ZC3HAV1L: variants seen among roughly 807,000 people sequenced by gnomAD.
The protein encoded by ZC3HAV1L is ZC3HAV1 like.
ZC3HAV1L carries 23 observed loss-of-function variants against 28.2 expected under a neutral mutation model. The ratio of observed to expected loss-of-function variants is 0.82; its 90% CI spans 0.59 to 1.16. The LOEUF is 1.16. ZC3HAV1L is among the 50% of genes most tolerant of loss of function. The pLI, the probability that ZC3HAV1L is intolerant of heterozygous loss-of-function variation, is 0.00. For synonymous variants in ZC3HAV1L, 180 were observed against 163.4 expected (o/e 1.10, Z -0.78); for missense variants, 376 against 387.7 (o/e 0.97, Z 0.25).
chr7:139,028,590 G>T (rs1304183107), intron 3 of ZC3HAV1L, 112 bp downstream of exon 3: 1 of 1,361,350 alleles, frequency 7.3e-7, no homozygotes, highest in African/African-American at 1.5e-5. Flanking sequence ...AATTAACATA[G>T]GAACTGCTTT....
Position 139,035,696 on chromosome 7 carries a change from A to G in ZC3HAV1L, c.322T>C (p.Cys108Arg), listed in dbSNP as rs1815688582. Residue 108 changes from cysteine to arginine, a missense_variant, in exon 1 of 5, where the codon TGC (cysteine) becomes CGC (arginine). By Grantham distance (180) the Cys-to-Arg change is radical. Coordinates refer to ENST00000275766, the MANE Select transcript of ZC3HAV1L (RefSeq NM_080660.4). ...ECQACDQLHF[C>R]RRHMLGKCPN... is the part of the protein sequence containing the mutation. ...CACTTGCCCAGCATGTGCCGGCGGCAGAAGTGCAGCTGGTCGCAGGCCTGG... is the reference window on the plus strand; with the variant it reads ...CACTTGCCCAGCATGTGCCGGCGGCGGAAGTGCAGCTGGTCGCAGGCCTGG... 6.8e-7 allele frequency: 1 copy of G among 1,480,802 alleles called. No homozygotes were observed. The highest frequency in any genetic ancestry group is 1.3e-5 in the South Asian group (1 of 77,872). The allele number at this position is 1,480,802 out of a possible 1,614,324, so 91.7% of individuals were successfully genotyped here.
At chr7:139,029,996 A>G (rs1815476555) in intron 2 of ZC3HAV1L, among the ~76,000 whole-genome samples, 1 of 152,188 alleles carries the variant, frequency 6.6e-6, no homozygotes, top group African/African-American at 2.4e-5. Context: ...GCTCACACAA[A>G]GATGACATTA....
chr7:139,028,390 C>A (rs7787463), intron 3 of ZC3HAV1L, among the ~76,000 whole-genome samples: 65,486 of 136,198 alleles, frequency 0.48, 16,870 homozygotes, highest in African/African-American at 0.52. Flanking sequence ...AAAACAAAAA[C>A]AAAACCTGTT....
chr7:139,026,649 T>G (rs1815360134), intron 4 of ZC3HAV1L, 59 bp downstream of exon 4: 4 of 1,612,518 alleles, frequency 2.5e-6, no homozygotes, highest in Non-Finnish European at 3.4e-6. Flanking sequence ...AGGCTTGTTT[T>G]CAGATCTTCC....
rs1200878879 is a variant in ZC3HAV1L, at chr7:139,034,655, T to A, written c.389A>T (p.Asp130Val). Residue 130 changes from aspartate (D) to valine (V), a missense_variant, in exon 2 of 5, where the codon GAT (aspartate) becomes GTT (valine). Coordinates refer to ENST00000275766, the MANE Select transcript of ZC3HAV1L (RefSeq NM_080660.4). ...CTGCATGTTGACAGGTGTGTGGATA[T>A]CATGGGAAAGGGTACAGGTAGACCT... is the stretch of plus-strand genomic sequence containing the variant. The part of the protein sequence containing the change: ...DCWSTCTLSH[D>V]IHTPVNMQVL... 1 of 1,613,844 alleles carries A rather than the reference T, an allele frequency of 6.2e-7. No homozygotes were observed. The highest frequency in any genetic ancestry group is 2.2e-5 in the East Asian group (1 of 44,882).
intron 2 of ZC3HAV1L, 40 bp from the exon 3 acceptor site, chr7:139,029,000 TC>T: frequency 6.3e-7 from 1 of 1,582,866 alleles, no homozygotes; most frequent in Non-Finnish European, 8.6e-7. Context: ...TATTAGTTTT[TC>T]TTTTTTTTTT....
At chr7:139,030,787 C>A (rs1282527428) in intron 2 of ZC3HAV1L, among the ~76,000 whole-genome samples, 3 of 151,812 alleles carry the variant, frequency 2.0e-5, no homozygotes, top group Non-Finnish European at 1.5e-5. Context: ...CCACTGCACT[C>A]CAGGCTGGAC....
At chr7:139,023,554 C>T (rs184415392), downstream of ZC3HAV1L, among the ~76,000 whole-genome samples, 1 of 152,276 alleles carries the variant, frequency 6.6e-6, no homozygotes, top group East Asian at 1.9e-4. Context: ...CAAATACCAC[C>T]CTACATGATG....
chr7:139,028,833 G>A lies in ZC3HAV1L; in HGVS notation c.629C>T (p.Ser210Phe), dbSNP rs1280213909. Residue 210 changes from serine (S) to phenylalanine (F), a missense_variant, in exon 3 of 5, where the codon TCC becomes TTC. Coordinates refer to ENST00000275766, the MANE Select transcript of ZC3HAV1L (RefSeq NM_080660.4). Reference protein sequence around the residue: ...GECKLQTCKRSHQLIHAASLK... With the variant: ...GECKLQTCKRFHQLIHAASLK... ...AGATGCAGCATGGATAAGCTGATGG[G>A]ACCGTTTGCAGGTCTGAAGTTTGCA... is the stretch of plus-strand genomic sequence containing the variant. 1.2e-6 allele frequency: 2 copies of A among 1,614,140 alleles called. No homozygotes were observed. Among genetic ancestry groups the A allele is most frequent in the Non-Finnish European group, 1.7e-6 (2 of 1,180,044 alleles).
At chr7:139,030,125 C>T (rs930072322) in intron 2 of ZC3HAV1L, among the ~76,000 whole-genome samples, 1 of 152,168 alleles carries the variant, frequency 6.6e-6, no homozygotes, top group African/African-American at 2.4e-5. Context: ...CCTAACAATG[C>T]TGCACACGTA....
At chr7:139,025,670 G>GA (rs1815333589), downstream of ZC3HAV1L, 1 of 151,860 alleles carries the variant, frequency 6.6e-6, no homozygotes, top group Non-Finnish European at 1.5e-5. Context: ...AATATAAAAT[G>GA]AAAAAATAAG....
At chr7:139,034,785 T>C in intron 1 of ZC3HAV1L, 107 bp from the exon 2 acceptor site, 1 of 1,475,462 alleles carries the variant, frequency 6.8e-7, no homozygotes. Context: ...TGAAGTTGAG[T>C]AATTTTCATG....
chr7:139,024,473 T>C (rs1815306105), downstream of ZC3HAV1L, among the ~76,000 whole-genome samples: 1 of 152,148 alleles, frequency 6.6e-6, no homozygotes, highest in Non-Finnish European at 1.5e-5. Context: ...AAAATATACA[T>C]AGTAAAATGG....
chr7:139,035,630 C>G (rs1229461262), intron 1 of ZC3HAV1L, 23 bp downstream of exon 1: 19 of 1,386,942 alleles, frequency 1.4e-5, no homozygotes, highest in Middle Eastern at 2.6e-4. Context: ...GCCCACAGTC[C>G]CCGCCCGCCG....
chr7:139,034,011 TC>T (rs1409661415), intron 2 of ZC3HAV1L: 1 of 985,340 alleles, frequency 1.0e-6, no homozygotes, highest in Non-Finnish European at 1.2e-6. Context: ...ACCTGCTTGT[TC>T]CTGAGATCAA....
intron 1 of ZC3HAV1L, chr7:139,035,410 G>A: frequency 1.0e-6 from 1 of 985,384 alleles, no homozygotes; most frequent in Non-Finnish European, 1.2e-6. Context: ...GCGGGCGGGG[G>A]CAGCAACTTT....
chr7:139,034,129 T>C, intron 2 of ZC3HAV1L: 1 of 985,424 alleles, frequency 1.0e-6, no homozygotes, highest in Non-Finnish European at 1.2e-6. Flanking sequence ...TATCTTCCTT[T>C]CTAGACGCTG....
Position 139,026,420 on chromosome 7 carries a change from T to C in ZC3HAV1L, c.*124A>G, listed in dbSNP as rs1815353476. 2.0e-6 allele frequency: 3 copies of C among 1,469,720 alleles called. No homozygotes were observed. The highest frequency in any genetic ancestry group is 1.4e-5 in the South Asian group (1 of 72,728). 91.0% of individuals were successfully genotyped at this position (1,469,720 alleles called of 1,614,324 possible). A position where few individuals can be genotyped will look rare whatever the true frequency, so the allele number is the denominator to read the frequency against. On this transcript the variant is annotated 3_prime_UTR_variant, in exon 5 of 5. Transcript: ENST00000275766. ...CAGCTGCCATCTTCAGCACTTGCCC[T>C]GGACTAGCCCCATCTGCACTCAATT... is the stretch of plus-strand genomic sequence containing the variant.
At chr7:139,034,003 C>A in intron 2 of ZC3HAV1L, 1 of 985,444 alleles carries the variant, frequency 1.0e-6, no homozygotes, top group Non-Finnish European at 1.2e-6. Context: ...AGGAAGAAAC[C>A]TGCTTGTTCC....
Sources: gnomAD v4.1 joint callset for allele counts (sites outside exome capture counted in the v4.1 genomes callset) on GRCh38, gnomAD v4.1.1 for gene constraint, MANE v1.5 for transcripts, NCBI Gene and HGNC (gene_info 2026-07-23, HGNC 2026-07-21) for gene names.